NCAM2: variants seen among roughly 807,000 people sequenced by gnomAD.
The protein encoded by NCAM2 is N-CAM-2.
Under a neutral mutation model 98.1 loss-of-function variants are expected in NCAM2, and 30 were observed. The observed-to-expected ratio is 0.31, with a 90% CI of 0.23 to 0.41. The LOEUF is 0.41. NCAM2 is among the 10% of genes least tolerant of loss of function. The probability of loss-of-function intolerance (pLI) is 1.00; values close to 1 mark genes in which losing one functional copy is unlikely to be tolerated. For missense variants in NCAM2, 867 were observed against 1,005.8 expected, an observed-to-expected ratio of 0.86 and a Z score of 1.87; for synonymous variants, 368 against 342.4, an observed-to-expected ratio of 1.07 and a Z score of -0.83.
At chr21:21,002,720 T>A (rs1394705042) in intron 1 of NCAM2, among the ~76,000 whole-genome samples, 2 of 152,150 alleles carry the variant, frequency 1.3e-5, no homozygotes, top group Non-Finnish European at 2.9e-5. Flanking sequence ...TAAATTGCCC[T>A]ATTTCCCCCC....
chr21:21,453,633 T>A (rs1012311445), intron 12 of NCAM2, among the ~76,000 whole-genome samples: 2 of 152,122 alleles, frequency 1.3e-5, no homozygotes, highest in African/African-American at 4.8e-5. Context: ...CTTTACCACA[T>A]GAAGCAAAAT....
chr21:21,244,844 TAAAAAA>T lies in NCAM2; in HGVS notation c.56-35719_56-35714del, dbSNP rs11410837. Among the ~76,000 whole-genome samples the T allele has an allele frequency of 7.1e-3, 714 of 99,938 alleles. 10 individuals are homozygous for T. The highest frequency in any genetic ancestry group is 0.027 in the African/African-American group (683 of 24,914). The allele number at this position is 99,938 out of a possible 152,430, so 65.6% of individuals were successfully genotyped here. A position where few individuals can be genotyped will look rare whatever the true frequency, so the allele number is the denominator to read the frequency against. On this transcript the variant is annotated intron_variant, in intron 1 of 17. Coordinates refer to ENST00000400546, the MANE Select transcript of NCAM2 (RefSeq NM_004540.5). ...CCTGGGGACAGAGTGAGACTCTGTC[TAAAAAA>T]AAAAAAAAAAAAAAGGACATACGGT...
intron 16 of NCAM2, among the ~76,000 whole-genome samples, chr21:21,519,290 G>C (rs1276575333): frequency 6.6e-6 from 1 of 152,120 alleles, no homozygotes; most frequent in African/African-American, 2.4e-5. Context: ...GGACATAATA[G>C]GTTTAGGGGA....
intron 1 of NCAM2, among the ~76,000 whole-genome samples, chr21:21,271,308 G>A (rs2072488696): frequency 6.6e-6 from 1 of 152,086 alleles, no homozygotes; most frequent in African/African-American, 2.4e-5. Flanking sequence ...AGATTAATAA[G>A]GCAAGACATT....
intron 12 of NCAM2, among the ~76,000 whole-genome samples, chr21:21,456,517 A>C (rs1982168704): frequency 6.6e-6 from 1 of 152,178 alleles, no homozygotes; most frequent in South Asian, 2.1e-4. Context: ...GTAATTAAGT[A>C]AAATATTCTG....
chr21:21,457,351 T>C (rs1424442757), intron 12 of NCAM2, among the ~76,000 whole-genome samples: 1 of 152,016 alleles, frequency 6.6e-6, no homozygotes, highest in Non-Finnish European at 1.5e-5. Context: ...TGTTAAAAAG[T>C]GGCAAAGAGG....
rs531083896 is a variant in NCAM2 at position 21,060,090 on chromosome 21, A to C, written c.55+61472A>C. ...ATAATAAGGTGAGGATTGCGTTTGTACATGCTTGACATGTATTTGTGAGTG... is the reference window on the plus strand; with the variant it reads ...ATAATAAGGTGAGGATTGCGTTTGTCCATGCTTGACATGTATTTGTGAGTG... On this transcript the variant is annotated intron_variant, in intron 1 of 17. Transcript: ENST00000400546. Among the ~76,000 whole-genome samples the C allele has an allele frequency of 2.0e-5, 3 of 152,190 alleles. No individual in the cohort carries two copies. In the South Asian group the frequency reaches 6.2e-4, roughly 32 times the overall value.
chr21:21,005,882 C>G (rs2064103546), intron 1 of NCAM2, among the ~76,000 whole-genome samples: 1 of 151,068 alleles, frequency 6.6e-6, no homozygotes, highest in Non-Finnish European at 1.5e-5. Context: ...TAACATTTTT[C>G]TATTAGTGTC....
At chr21:21,272,497 T>TGCGCGCGCGC (rs201869091) in intron 1 of NCAM2, among the ~76,000 whole-genome samples, 1 of 145,450 alleles carries the variant, frequency 6.9e-6, no homozygotes, top group South Asian at 2.2e-4. Context: ...TACACACACA[T>TGCGCGCGCGC]GCGCGCGCGC....
intron 1 of NCAM2, among the ~76,000 whole-genome samples, chr21:21,214,428 T>C (rs2069782340): frequency 2.0e-5 from 3 of 152,152 alleles, no homozygotes; most frequent in Admixed American, 1.3e-4. Flanking sequence ...ATATGTAATA[T>C]GGGTGCCAGG....
chr21:21,072,143 A>C (rs554702201), intron 1 of NCAM2, among the ~76,000 whole-genome samples: 2 of 152,122 alleles, frequency 1.3e-5, no homozygotes, highest in Admixed American at 6.6e-5. Flanking sequence ...CGATCTCCTG[A>C]CCTTGCGATC....
At chr21:21,437,215 G>A (rs575823611) in intron 12 of NCAM2, among the ~76,000 whole-genome samples, 5 of 152,176 alleles carry the variant, frequency 3.3e-5, no homozygotes, top group South Asian at 2.1e-4. Context: ...GGGAGTTGTC[G>A]TTGTTGTTGT....
intron 8 of NCAM2, among the ~76,000 whole-genome samples, chr21:21,342,933 G>A (rs1053659969): frequency 1.3e-5 from 2 of 152,200 alleles, no homozygotes; most frequent in Non-Finnish European, 2.9e-5. Flanking sequence ...GTAAGTGGCA[G>A]TGGCAGGATT....
At chr21:21,242,766 C>T (rs2071113188) in intron 1 of NCAM2, among the ~76,000 whole-genome samples, 1 of 152,132 alleles carries the variant, frequency 6.6e-6, no homozygotes, top group Non-Finnish European at 1.5e-5. Context: ...CATATCTTAA[C>T]TAATGTGAAT....
intron 12 of NCAM2, among the ~76,000 whole-genome samples, chr21:21,458,522 T>C (rs1982486610): frequency 6.6e-6 from 1 of 152,116 alleles, no homozygotes; most frequent in Non-Finnish European, 1.5e-5. Flanking sequence ...GCCTTGGAAA[T>C]GGTGCCTTTA....
intron 16 of NCAM2, among the ~76,000 whole-genome samples, chr21:21,525,527 G>C (rs764647202): frequency 6.6e-6 from 1 of 152,044 alleles, no homozygotes; most frequent in Non-Finnish European, 1.5e-5. Flanking sequence ...ATAATTTATA[G>C]TCTCCCCAGA....
chr21:21,354,782 G>A (rs2075426342), intron 8 of NCAM2, among the ~76,000 whole-genome samples: 1 of 152,250 alleles, frequency 6.6e-6, no homozygotes, highest in African/African-American at 2.4e-5. Context: ...TGGGCACTGA[G>A]TTTATTCACA....
chr21:21,413,362 G>A (rs552123846), intron 10 of NCAM2, among the ~76,000 whole-genome samples: 1 of 152,192 alleles, frequency 6.6e-6, no homozygotes, highest in South Asian at 2.1e-4. Context: ...TTAGGTTTAA[G>A]AAAAAGACTA....
intron 1 of NCAM2, among the ~76,000 whole-genome samples, chr21:21,093,473 C>T (rs1367679084): frequency 1.3e-5 from 2 of 152,048 alleles, no homozygotes; most frequent in Non-Finnish European, 2.9e-5. Context: ...TCCTTGACAT[C>T]ACCTACTCAA....
Sources: gnomAD v4.1 joint callset for allele counts (sites outside exome capture counted in the v4.1 genomes callset) on GRCh38, gnomAD v4.1.1 for gene constraint, MANE v1.5 for transcripts, NCBI Gene and HGNC (gene_info 2026-07-23, HGNC 2026-07-21) for gene names.